The following TTC21B variants were observed in gnomAD, a reference collection of about 807,000 sequenced individuals.
TTC21B encodes tetratricopeptide repeat domain 21B.
A neutral mutation model predicts 175.1 loss-of-function variants in TTC21B; 127 were observed. The observed-to-expected ratio is 0.73, with a 90% CI of 0.63 to 0.84. TTC21B has a LOEUF of 0.84. Ranked by LOEUF, TTC21B falls within the 40% of genes least tolerant of loss-of-function variation. The pLI, the probability that TTC21B is intolerant of heterozygous loss-of-function variation, is 0.00. For synonymous variants in TTC21B, 524 were observed against 524.5 expected, an observed-to-expected ratio of 1.00 and a Z score of 0.01; for missense variants, 1,561 against 1,558.3, an observed-to-expected ratio of 1.00 and a Z score of -0.03.
At chr2:165,929,554 G>A in intron 10 of TTC21B, 96 bp downstream of exon 10, 1 of 962,438 alleles carries the variant, frequency 1.0e-6, no homozygotes, top group Admixed American at 2.0e-5. Flanking sequence ...GTGTACACTA[G>A]TGCTTTACAG....
chr2:165,937,376 T>C (rs947915175), intron 6 of TTC21B, among the ~76,000 whole-genome samples: 4 of 152,152 alleles, frequency 2.6e-5, no homozygotes, highest in Non-Finnish European at 5.9e-5. Context: ...ATACATGTGA[T>C]TACACATTTG....
intron 3 of TTC21B, chr2:165,949,107 T>C (rs1396935484): frequency 7.9e-6 from 3 of 380,524 alleles, no homozygotes; most frequent in African/African-American, 6.2e-5. Flanking sequence ...TTGGCTGTCC[T>C]TTTTTTGTGT....
chr2:165,924,944 T>C lies in TTC21B; in HGVS notation c.1387-266A>G, dbSNP rs111499060. On this transcript the variant is annotated intron_variant, in intron 11 of 28. Coordinates refer to ENST00000243344, the MANE Select transcript of TTC21B (RefSeq NM_024753.5). Reference sequence around the variant, plus strand: ...TATACAATTCTAAATGGATAACATATCAAGTGGGTATTATCTATTCAAAAG... The same window carrying C: ...TATACAATTCTAAATGGATAACATACCAAGTGGGTATTATCTATTCAAAAG... Among the ~76,000 whole-genome samples the C allele has an allele frequency of 0.013, 1,817 of 136,404 alleles. 38 individuals carry two copies. Among genetic ancestry groups the C allele is most frequent in the African/African-American group, 0.043 (1,723 of 40,504 alleles). The allele number at this position is 136,404 out of a possible 152,430, so 89.5% of individuals were successfully genotyped here. A position where few individuals can be genotyped will look rare whatever the true frequency, so the allele number is the denominator to read the frequency against.
chr2:165,910,904 C>G (rs1182519731), intron 18 of TTC21B, among the ~76,000 whole-genome samples: 1 of 151,972 alleles, frequency 6.6e-6, no homozygotes, highest in East Asian at 1.9e-4. Context: ...TATTAAATTA[C>G]AAGCTACTAG....
Position 165,945,611 on chromosome 2 carries a change from T to C in TTC21B, c.342A>G (p.Ala114=), listed in dbSNP as rs1393516778. Residue 114 remains alanine, a synonymous_variant, in exon 4 of 29, where the codon GCA becomes GCG. Coordinates refer to ENST00000243344, the MANE Select transcript of TTC21B (RefSeq NM_024753.5). ...GACCAATGTGCCATAAAAATAAGCCTGCATGGTATAAGGCTTTCTCTCCAG... is the reference window on the plus strand; with the variant it reads ...GACCAATGTGCCATAAAAATAAGCCCGCATGGTATAAGGCTTTCTCTCCAG... ...KGAGEKALYH[A]GLFLWHIGRH... is the part of the protein sequence containing the mutation. The C allele has an allele frequency of 6.2e-7, 1 of 1,613,884 alleles. No homozygotes were observed. Among genetic ancestry groups the C allele is most frequent in the East Asian group, 2.2e-5 (1 of 44,808 alleles).
intron 6 of TTC21B, among the ~76,000 whole-genome samples, chr2:165,937,079 C>T (rs1198706059): frequency 2.0e-5 from 3 of 151,624 alleles, no homozygotes; most frequent in Non-Finnish European, 2.9e-5. Context: ...TGTGGTACAT[C>T]GAAACAATGA....
chr2:165,897,124 C>A (rs1685394356), intron 22 of TTC21B, among the ~76,000 whole-genome samples: 1 of 152,220 alleles, frequency 6.6e-6, no homozygotes, highest in African/African-American at 2.4e-5. Flanking sequence ...AGTCCCTACA[C>A]AGTGTACTTT....
At chr2:165,936,939 T>C (rs767142893) in intron 6 of TTC21B, among the ~76,000 whole-genome samples, 7 of 152,082 alleles carry the variant, frequency 4.6e-5, no homozygotes, top group Admixed American at 2.0e-4. Context: ...TCAGGAATTA[T>C]GTTCCTTGGC....
At chr2:165,923,590 G>A (rs918998660) in intron 12 of TTC21B, among the ~76,000 whole-genome samples, 3 of 140,666 alleles carry the variant, frequency 2.1e-5, no homozygotes, top group Non-Finnish European at 3.1e-5. Flanking sequence ...GACTATAGGC[G>A]CCTGCCACCA....
intron 19 of TTC21B, 84 bp downstream of exon 19, chr2:165,907,594 G>T: frequency 1.1e-6 from 1 of 879,722 alleles, no homozygotes; most frequent in African/African-American, 1.6e-5. Flanking sequence ...GGCCAAAAGA[G>T]ATTGCTTTCC....
At position 165,929,182 on chromosome 2, in the gene TTC21B, A is replaced by C. The variant is rs779140702; in HGVS notation, c.1339T>G (p.Phe447Val). The change falls in exon 11 of 29, where the codon TTC (phenylalanine) becomes GTC (valine). Residue 447 changes from phenylalanine (F) to valine (V), a missense_variant. Physicochemically the swap from Phe to Val is conservative, Grantham distance 50. Transcript: ENST00000243344. ...IQYFEKLNPDFLLEIVMEYLS... is the reference protein window; with the variant it reads ...IQYFEKLNPDVLLEIVMEYLS... Reference sequence around the variant, plus strand: ...TACTCCATAACAATTTCTAACAAGAAATCAGGATTTAGCTTTTCAAAATAC... The same window carrying C: ...TACTCCATAACAATTTCTAACAAGACATCAGGATTTAGCTTTTCAAAATAC... 4.3e-6 allele frequency: 7 copies of C among 1,613,066 alleles called. No individual in the cohort carries two copies. The South Asian group carries it at 6.6e-5, about 15-fold the overall frequency.
chr2:165,904,128 T>C (rs1685652047), intron 19 of TTC21B, among the ~76,000 whole-genome samples: 1 of 151,404 alleles, frequency 6.6e-6, no homozygotes, highest in South Asian at 2.1e-4. Flanking sequence ...ATGATATTCA[T>C]AAAGGAGTGA....
intron 1 of TTC21B, among the ~76,000 whole-genome samples, chr2:165,951,447 A>G (rs1687759225): frequency 6.6e-6 from 1 of 152,174 alleles, no homozygotes. Flanking sequence ...TGTTAATGGA[A>G]TAAAAAAAAA....
intron 6 of TTC21B, among the ~76,000 whole-genome samples, chr2:165,933,575 T>C (rs907491703): frequency 1.3e-5 from 2 of 152,164 alleles, no homozygotes; most frequent in Non-Finnish European, 2.9e-5. Context: ...GCAAAAGCTA[T>C]AAAATTCCTA....
chr2:165,889,141 A>G (rs1455867728), intron 24 of TTC21B, among the ~76,000 whole-genome samples: 2 of 152,230 alleles, frequency 1.3e-5, no homozygotes, highest in African/African-American at 4.8e-5. Context: ...ATAAATATAC[A>G]TAAATCAATT....
At chr2:165,928,989 G>C (rs1686780558) in intron 11 of TTC21B, 146 bp downstream of exon 11, 2 of 736,326 alleles carry the variant, frequency 2.7e-6, no homozygotes. Flanking sequence ...AAAACAGTCT[G>C]ATTAAAAGCG....
At chr2:165,888,203 A>T in intron 25 of TTC21B, 76 bp downstream of exon 25, 1 of 1,191,762 alleles carries the variant, frequency 8.4e-7, no homozygotes, top group South Asian at 1.3e-5. Flanking sequence ...CAGAAAATAA[A>T]CAACTAATCA....
intron 27 of TTC21B, among the ~76,000 whole-genome samples, chr2:165,878,033 T>A (rs760405088): frequency 6.6e-6 from 1 of 152,224 alleles, no homozygotes; most frequent in Non-Finnish European, 1.5e-5. Context: ...TGGCTTGAGC[T>A]GTCATTTTCA....
chr2:165,924,120 G>A (rs968928410), intron 12 of TTC21B, among the ~76,000 whole-genome samples: 3 of 151,996 alleles, frequency 2.0e-5, no homozygotes, highest in Non-Finnish European at 2.9e-5. Context: ...GGTTATAAAC[G>A]GATTGTTTTT....
Sources: gnomAD v4.1 joint callset for allele counts (sites outside exome capture counted in the v4.1 genomes callset) on GRCh38, gnomAD v4.1.1 for gene constraint, MANE v1.5 for transcripts, NCBI Gene and HGNC (gene_info 2026-07-23, HGNC 2026-07-21) for gene names.